EXTL3: variants seen among roughly 807,000 people sequenced by gnomAD.
EXTL3 encodes the protein exostosin like glycosyltransferase 3.
A neutral mutation model predicts 69.3 loss-of-function variants in EXTL3; 27 were observed. The observed-to-expected ratio is 0.39, with a 90% CI of 0.29 to 0.54. EXTL3 has a LOEUF of 0.54. Ranked by LOEUF, EXTL3 falls within the 20% of genes least tolerant of loss-of-function variation. The pLI, the probability that EXTL3 is intolerant of heterozygous loss-of-function variation, is 0.69. For synonymous variants in EXTL3, 511 were observed against 499.4 expected, an observed-to-expected ratio of 1.02 and a Z score of -0.31; for missense variants, 1,003 against 1,231.8, an observed-to-expected ratio of 0.81 and a Z score of 2.78.
At chr8:28,652,039 CTGTGTGTGTGTG>C (rs34231513) in intron 1 of EXTL3, among the ~76,000 whole-genome samples, 1 of 145,122 alleles carries the variant, frequency 6.9e-6, no homozygotes, top group Admixed American at 6.8e-5. Context: ...GTGTGTGTGT[CTGTGTGTGTGTG>C]TGTGTGTGTA....
chr8:28,748,590 A>C (rs545182311), intron 6 of EXTL3, among the ~76,000 whole-genome samples: 2 of 152,246 alleles, frequency 1.3e-5, no homozygotes, highest in South Asian at 4.1e-4. Flanking sequence ...GGCTGCTCTC[A>C]CCTTAGTTGT....
At chr8:28,646,280 T>A (rs55927836) in intron 1 of EXTL3, among the ~76,000 whole-genome samples, 29,823 of 152,190 alleles carry the variant, frequency 0.2, 3,601 homozygotes, top group Non-Finnish European at 0.26. Context: ...ATAGTTGAGG[T>A]CTTGTGAAAA....
At chr8:28,668,815 A>G (rs940435661) in intron 1 of EXTL3, among the ~76,000 whole-genome samples, 8 of 151,004 alleles carry the variant, frequency 5.3e-5, no homozygotes, top group Non-Finnish European at 1.5e-5. Flanking sequence ...GCAAGCATCT[A>G]ATATGCACCA....
chr8:28,693,494 C>T (rs1006849381), intron 1 of EXTL3, among the ~76,000 whole-genome samples: 1 of 151,954 alleles, frequency 6.6e-6, no homozygotes, highest in Non-Finnish European at 1.5e-5. Flanking sequence ...TAATGTGAAA[C>T]TTGAATGTTT....
intron 4 of EXTL3, among the ~76,000 whole-genome samples, chr8:28,734,242 G>C (rs1801600373): frequency 6.6e-6 from 1 of 152,188 alleles, no homozygotes; most frequent in South Asian, 2.1e-4. Flanking sequence ...CTTTCTTGAT[G>C]GTATTATTTG....
At chr8:28,734,455 T>C (rs1420678692) in intron 4 of EXTL3, among the ~76,000 whole-genome samples, 1 of 152,196 alleles carries the variant, frequency 6.6e-6, no homozygotes, top group African/African-American at 2.4e-5. Context: ...CTTACACCTG[T>C]AATCCCAGCA....
At chr8:28,677,326 G>A (rs1283420385) in intron 1 of EXTL3, among the ~76,000 whole-genome samples, 12 of 151,886 alleles carry the variant, frequency 7.9e-5, no homozygotes, top group Admixed American at 7.9e-4. Context: ...CCTTGGAGCC[G>A]CTATTTACTT....
In EXTL3 at chr8:28,623,181, T is replaced by C. The variant is rs75509299; in HGVS notation, c.-53+371T>C. On this transcript the variant is annotated intron_variant, in intron 1 of 6. Transcript: ENST00000523149. The surrounding 1 kb of genome is among the most constrained non-coding windows in gnomAD (Gnocchi z 4.2). ...GTCCGTATCACACTGTGGGCGGGGGTCCCGACCCCTGCTGCCTCGGGTACG... is the reference window on the plus strand; with the variant it reads ...GTCCGTATCACACTGTGGGCGGGGGCCCCGACCCCTGCTGCCTCGGGTACG... Among the ~76,000 whole-genome samples the C allele has an allele frequency of 9.2e-5, 14 of 151,650 alleles. No individual in the cohort carries two copies. In the East Asian group the frequency reaches 2.7e-3, roughly 30 times the overall value.
At chr8:28,650,966 T>G (rs779874703) in intron 1 of EXTL3, among the ~76,000 whole-genome samples, 18 of 152,230 alleles carry the variant, frequency 1.2e-4, no homozygotes, top group Admixed American at 9.2e-4. Flanking sequence ...GTCTCCCTTA[T>G]GTGAAAAGGG....
intron 5 of EXTL3, among the ~76,000 whole-genome samples, chr8:28,739,717 A>G (rs1366132129): frequency 6.6e-6 from 1 of 152,092 alleles, no homozygotes; most frequent in East Asian, 1.9e-4. Flanking sequence ...AAGTTGATAC[A>G]CTCATCCCAT....
At chr8:28,657,899 G>A (rs756866423) in intron 1 of EXTL3, among the ~76,000 whole-genome samples, 15 of 152,178 alleles carry the variant, frequency 9.9e-5, no homozygotes, top group Non-Finnish European at 1.6e-4. Context: ...CTTAATAGAG[G>A]TTTACTTAAT....
intron 1 of EXTL3, among the ~76,000 whole-genome samples, chr8:28,646,455 T>G (rs1041373717): frequency 2.6e-5 from 4 of 152,180 alleles, no homozygotes; most frequent in African/African-American, 4.8e-5. Flanking sequence ...CATATTTACT[T>G]TTCTGCTTTT....
At chr8:28,730,760 C>T (rs772655826) in intron 3 of EXTL3, among the ~76,000 whole-genome samples, 96 of 151,052 alleles carry the variant, frequency 6.4e-4, no homozygotes, top group Non-Finnish European at 1.1e-3. Context: ...GGGCTGTGCT[C>T]TTTTTTGGGA....
At chr8:28,693,560 GAGTT>G (rs1331788002) in intron 1 of EXTL3, among the ~76,000 whole-genome samples, 1 of 152,054 alleles carries the variant, frequency 6.6e-6, no homozygotes, top group African/African-American at 2.4e-5. Flanking sequence ...ATGAGGTAAT[GAGTT>G]AACAAATAGT....
At chr8:28,725,458 C>T (rs547934506) in intron 3 of EXTL3, among the ~76,000 whole-genome samples, 1 of 152,286 alleles carries the variant, frequency 6.6e-6, no homozygotes, top group South Asian at 2.1e-4. Context: ...TCCTCTCTAT[C>T]ATTCTTTAAG....
At chr8:28,657,078 CCCA>C (rs1265540166) in intron 1 of EXTL3, among the ~76,000 whole-genome samples, 1 of 151,658 alleles carries the variant, frequency 6.6e-6, no homozygotes. Context: ...ACTACAGGCG[CCCA>C]CCACCACCAC....
chr8:28,725,416 A>G (rs552072316), intron 3 of EXTL3, among the ~76,000 whole-genome samples: 1 of 152,254 alleles, frequency 6.6e-6, no homozygotes, highest in South Asian at 2.1e-4. Flanking sequence ...TTGCTATAGA[A>G]AACTACACTA....
chr8:28,643,879 C>T (rs1030555254), intron 1 of EXTL3, among the ~76,000 whole-genome samples: 2 of 152,194 alleles, frequency 1.3e-5, no homozygotes, highest in Admixed American at 6.6e-5. Flanking sequence ...GAACCTCCCC[C>T]CTGAGCCTCC....
intron 3 of EXTL3, among the ~76,000 whole-genome samples, chr8:28,728,362 T>G (rs145885891): frequency 2.0e-5 from 3 of 152,330 alleles, no homozygotes; most frequent in African/African-American, 7.2e-5. Flanking sequence ...TCGTCTGACC[T>G]AGGCCTCACT....
Sources: gnomAD v4.1 joint callset for allele counts (sites outside exome capture counted in the v4.1 genomes callset) on GRCh38, gnomAD v4.1.1 for gene constraint, Gnocchi (gnomAD v3.1) non-coding constraint, MANE v1.5 for transcripts, NCBI Gene and HGNC (gene_info 2026-07-23, HGNC 2026-07-21) for gene names.